CMC2: variants seen among roughly 807,000 people sequenced by gnomAD.
CMC2 encodes COX assembly mitochondrial protein 2 homolog.
Under a neutral mutation model 7.5 loss-of-function variants are expected in CMC2, and 5 were observed. The ratio of observed to expected loss-of-function variants is 0.66; its 90% CI spans 0.35 to 1.40. CMC2 has a LOEUF of 1.40. CMC2 is among the 40% of genes most tolerant of loss of function. The pLI is 0.04. For missense variants in CMC2, 115 were observed against 92.3 expected, an observed-to-expected ratio of 1.25 and a Z score of -1.01; for synonymous variants, 37 against 31.4, an observed-to-expected ratio of 1.18 and a Z score of -0.60.
In CMC2 at chr16:80,967,918, T is replaced by A. The variant is rs1911667367; in HGVS notation, c.*8175A>T. 1 of 152,216 alleles carries A rather than the reference T, an allele frequency of 6.6e-6. No individual in the cohort carries two copies. Among genetic ancestry groups the A allele is most frequent in the African/African-American group, 2.4e-5 (1 of 41,452 alleles). The allele number at this position is 152,216 out of a possible 1,614,324, so 9.4% of individuals were successfully genotyped here. A position where few individuals can be genotyped will look rare whatever the true frequency, so the allele number is the denominator to read the frequency against. On this transcript the variant is annotated 3_prime_UTR_variant, in exon 4 of 4. Transcript: ENST00000219400. ...ACATACCATATTAACGCTTCCTATT[T>A]TTTTTTCAAATCACATTCTCAACAT...
intron 2 of CMC2, among the ~76,000 whole-genome samples, chr16:80,989,351 T>C (rs1041706025): frequency 6.6e-6 from 1 of 152,214 alleles, no homozygotes; most frequent in Non-Finnish European, 1.5e-5. Flanking sequence ...TCCATTTATA[T>C]ATTTATATGA....
intron 3 of CMC2, 112 bp downstream of exon 3, chr16:80,981,694 T>C (rs1967125098): frequency 1.5e-6 from 1 of 666,400 alleles, no homozygotes; most frequent in Admixed American, 3.3e-5. Context: ...GTAAAGTCAA[T>C]TTTCTGTTAC....
At chr16:81,001,646 AT>A (rs1968876895) in intron 1 of CMC2, among the ~76,000 whole-genome samples, 2 of 152,190 alleles carry the variant, frequency 1.3e-5, no homozygotes, top group Admixed American at 1.3e-4. Context: ...CACCATGCGA[AT>A]TTTATGGTAT....
chr16:80,986,459 G>A (rs201790333), intron 2 of CMC2, among the ~76,000 whole-genome samples: 69 of 145,578 alleles, frequency 4.7e-4, no homozygotes, highest in Non-Finnish European at 4.2e-4. Flanking sequence ...CGTCTCAAAA[G>A]AAAAAAAAAA....
intron 1 of CMC2, among the ~76,000 whole-genome samples, chr16:81,005,053 C>A (rs549983381): frequency 6.6e-6 from 1 of 152,336 alleles, no homozygotes; most frequent in East Asian, 1.9e-4. Flanking sequence ...AAGCAAAAAA[C>A]AAGGCCAGAA....
intron 1 of CMC2, among the ~76,000 whole-genome samples, chr16:80,999,497 A>G (rs1396016032): frequency 6.6e-6 from 1 of 152,206 alleles, no homozygotes; most frequent in Non-Finnish European, 1.5e-5. Flanking sequence ...GCCCAAAGCA[A>G]TCTACATATT....
rs956086481 is a variant in CMC2 at position 80,973,558 on chromosome 16, T to C, written c.*2535A>G. 6.6e-6 allele frequency: 1 copy of C among 152,144 alleles called. No individual in the cohort carries two copies. The highest frequency in any genetic ancestry group is 1.5e-5 in the Non-Finnish European group (1 of 68,012). 9.4% of individuals were successfully genotyped at this position (152,144 alleles called of 1,614,324 possible). On this transcript the variant is annotated 3_prime_UTR_variant, in exon 4 of 4. Coordinates refer to ENST00000219400, the MANE Select transcript of CMC2 (RefSeq NM_020188.5). ...AAGATCTTTATAAAATATAAATAAA[T>C]GAAATCATAACCACTCCCTAAAACT...
rs1211586169 is a variant in CMC2 at position 80,972,614 on chromosome 16, C to T, written c.*3479G>A. 2 of 152,198 alleles carry T rather than the reference C, an allele frequency of 1.3e-5. No individual in the cohort carries two copies. Among genetic ancestry groups the T allele is most frequent in the African/African-American group, 2.4e-5 (1 of 41,444 alleles). The allele number at this position is 152,198 out of a possible 1,614,324, so 9.4% of individuals were successfully genotyped here. A position where few individuals can be genotyped will look rare whatever the true frequency, so the allele number is the denominator to read the frequency against. ...AAAATAAACCATTAATTCACTGTCA[C>T]CAGAGCATCAAGGTTCACAACATTC... On this transcript the variant is annotated 3_prime_UTR_variant, in exon 4 of 4. Transcript: ENST00000219400.
intron 2 of CMC2, among the ~76,000 whole-genome samples, chr16:80,989,047 T>A (rs529634884): frequency 5.3e-5 from 8 of 152,330 alleles, no homozygotes; most frequent in Middle Eastern, 6.8e-3. Context: ...AAGAGGCACA[T>A]GGCAATTTGT....
At position 80,970,250 on chromosome 16, in the gene CMC2, C is replaced by T. The variant is rs1274428908; in HGVS notation, c.*5843G>A. On this transcript the variant is annotated 3_prime_UTR_variant, in exon 4 of 4. Transcript: ENST00000219400. Reference sequence around the variant, plus strand: ...ACCAGAAAATGGATGCTTCATGGACCGTCTCTCTCTCAATTTAAGTCAATT... The same window carrying T: ...ACCAGAAAATGGATGCTTCATGGACTGTCTCTCTCTCAATTTAAGTCAATT... 8 of 152,160 alleles carry T rather than the reference C, an allele frequency of 5.3e-5. No individual in the cohort carries two copies. The highest frequency in any genetic ancestry group is 1.4e-4 in the African/African-American group (6 of 41,436). 9.4% of individuals were successfully genotyped at this position (152,160 alleles called of 1,614,324 possible). A position where few individuals can be genotyped will look rare whatever the true frequency, so the allele number is the denominator to read the frequency against.
Position 80,975,022 on chromosome 16 carries a change from T to C in CMC2, c.*1071A>G, listed in dbSNP as rs1423703267. 1 of 152,262 alleles carries C rather than the reference T, an allele frequency of 6.6e-6. No homozygotes were observed. Among genetic ancestry groups the C allele is most frequent in the African/African-American group, 2.4e-5 (1 of 41,462 alleles). 9.4% of individuals were successfully genotyped at this position (152,262 alleles called of 1,614,324 possible). ...TAGAAGGAGCTCACAGCTGAGTCTGTTCCCTGACACCTGACAAGATCAAGC... is the reference window on the plus strand; with the variant it reads ...TAGAAGGAGCTCACAGCTGAGTCTGCTCCCTGACACCTGACAAGATCAAGC... On this transcript the variant is annotated 3_prime_UTR_variant, in exon 4 of 4. Transcript: ENST00000219400.
At chr16:81,005,873 C>G (rs996721080) in intron 1 of CMC2, among the ~76,000 whole-genome samples, 4 of 152,218 alleles carry the variant, frequency 2.6e-5, no homozygotes, top group Non-Finnish European at 5.9e-5. Flanking sequence ...CGTGAGGGAG[C>G]ATTCTTGCCA....
intron 2 of CMC2, among the ~76,000 whole-genome samples, chr16:80,989,932 C>T (rs550606670): frequency 6.6e-6 from 1 of 152,352 alleles, no homozygotes; most frequent in South Asian, 2.1e-4. Context: ...AAAATCCATA[C>T]TACTAACAAC....
At chr16:80,985,799 C>T (rs1411344018) in intron 2 of CMC2, among the ~76,000 whole-genome samples, 1 of 147,552 alleles carries the variant, frequency 6.8e-6, no homozygotes, top group Non-Finnish European at 1.5e-5. Context: ...ATGATAAGAC[C>T]TGGTTTAGCA....
intron 2 of CMC2, among the ~76,000 whole-genome samples, chr16:80,989,561 A>G (rs1048519246): frequency 2.0e-5 from 3 of 152,156 alleles, no homozygotes; most frequent in Non-Finnish European, 2.9e-5. Flanking sequence ...TAGCCCTACA[A>G]TCAGTCATTT....
Position 80,967,065 on chromosome 16 carries a change from G to A in CMC2, c.*9028C>T, listed in dbSNP as rs1298883769. 6.6e-6 allele frequency: 1 copy of A among 152,126 alleles called. No homozygotes were observed. The highest frequency in any genetic ancestry group is 1.5e-5 in the Non-Finnish European group (1 of 68,032). The allele number at this position is 152,126 out of a possible 1,614,324, so 9.4% of individuals were successfully genotyped here. On this transcript the variant is annotated 3_prime_UTR_variant, in exon 4 of 4. Coordinates refer to ENST00000219400, the MANE Select transcript of CMC2 (RefSeq NM_020188.5). Reference sequence around the variant, plus strand: ...TATTCACTAAAAATTCATTCATTCAGTGAAAAAGCATTTATTGAATACCAA... The same window carrying A: ...TATTCACTAAAAATTCATTCATTCAATGAAAAAGCATTTATTGAATACCAA...
rs1486073792 is a variant in CMC2 at position 80,976,005 on chromosome 16, T to C, written c.*88A>G. 7 of 757,902 alleles carry C rather than the reference T, an allele frequency of 9.2e-6. No homozygotes were observed. The highest frequency in any genetic ancestry group is 2.0e-5 in the Admixed American group (1 of 50,018). The allele number at this position is 757,902 out of a possible 1,614,324, so 46.9% of individuals were successfully genotyped here. ...AGGTCACTTTCCATTCAAAGGATTA[T>C]GGAGACCAAATAAGACAGGATTCTT... On this transcript the variant is annotated 3_prime_UTR_variant, in exon 4 of 4. Transcript: ENST00000219400.
intron 3 of CMC2, chr16:80,978,369 T>C: frequency 7.9e-7 from 1 of 1,267,652 alleles, no homozygotes; most frequent in South Asian, 1.3e-5. Flanking sequence ...AAATATAGTC[T>C]ACATTAAAAT....
intron 1 of CMC2, chr16:80,998,834 TAA>T (rs1968630797): frequency 6.6e-6 from 1 of 152,076 alleles, no homozygotes. Context: ...CAAACAGAAT[TAA>T]ACACAAAAAC....
Sources: gnomAD v4.1 joint callset for allele counts (sites outside exome capture counted in the v4.1 genomes callset) on GRCh38, gnomAD v4.1.1 for gene constraint, MANE v1.5 for transcripts, NCBI Gene and HGNC (gene_info 2026-07-23, HGNC 2026-07-21) for gene names.